The following FOCAD variants were observed in gnomAD, a reference collection of about 807,000 sequenced individuals.
The protein encoded by FOCAD is focadhesin, also known as KIAA1797.
In FOCAD, 198 loss-of-function variants were observed where a neutral mutation model predicts 225.6. That is an observed-to-expected ratio of 0.88 (90% CI 0.78 to 0.99). The LOEUF is 0.99. Among genes scored for constraint, FOCAD ranks in the 50% least tolerant of loss-of-function variants. The probability of loss-of-function intolerance (pLI) is 0.00; values close to 1 mark genes in which losing one functional copy is unlikely to be tolerated. For missense variants in FOCAD, 2,713 were observed against 2,123.6 expected (o/e 1.28, Z -5.46); for synonymous variants, 897 against 755.0 (o/e 1.19, Z -3.08).
intron 15 of FOCAD, among the ~76,000 whole-genome samples, chr9:20,823,377 TAAAAC>T (rs1318772467): frequency 2.0e-5 from 3 of 152,082 alleles, no homozygotes; most frequent in African/African-American, 7.2e-5. Flanking sequence ...TTATTTTTGT[TAAAAC>T]AAAAGGGAAA....
chr9:20,816,851 C>G (rs1407388903), intron 11 of FOCAD, among the ~76,000 whole-genome samples: 1 of 152,004 alleles, frequency 6.6e-6, no homozygotes, highest in Non-Finnish European at 1.5e-5. Flanking sequence ...AGTACAACAA[C>G]TATTTACATA....
intron 4 of FOCAD, among the ~76,000 whole-genome samples, chr9:20,738,973 G>A (rs1046020874): frequency 3.3e-5 from 5 of 151,582 alleles, no homozygotes; most frequent in Non-Finnish European, 5.9e-5. Context: ...CATGTATTTT[G>A]TACTTACAGG....
chr9:20,796,061 G>C (rs968659765), intron 11 of FOCAD, among the ~76,000 whole-genome samples: 3 of 151,520 alleles, frequency 2.0e-5, no homozygotes, highest in African/African-American at 7.3e-5. Context: ...GAGAACATGC[G>C]GTGTTTGGTT....
At chr9:20,979,170 T>C (rs1840467731) in intron 37 of FOCAD, among the ~76,000 whole-genome samples, 1 of 152,220 alleles carries the variant, frequency 6.6e-6, no homozygotes, top group Non-Finnish European at 1.5e-5. Flanking sequence ...CCATGATTCT[T>C]TAGAGGTTTA....
intron 21 of FOCAD, among the ~76,000 whole-genome samples, chr9:20,898,320 T>G (rs1436722423): frequency 2.0e-5 from 3 of 151,838 alleles, no homozygotes; most frequent in Non-Finnish European, 4.4e-5. Flanking sequence ...ACATTTCTTC[T>G]GTTTTTTTTT....
chr9:20,740,378 A>G (rs1470226850), intron 5 of FOCAD, 38 bp downstream of exon 5: 3 of 1,147,020 alleles, frequency 2.6e-6, no homozygotes, highest in Non-Finnish European at 3.8e-6. Flanking sequence ...AACAAATATG[A>G]ATTTTTAATG....
At chr9:20,725,988 A>G (rs1005084874) in intron 4 of FOCAD, among the ~76,000 whole-genome samples, 3 of 152,198 alleles carry the variant, frequency 2.0e-5, no homozygotes, top group African/African-American at 7.2e-5. Context: ...AAAAAAAATT[A>G]TTCCCTAGGG....
chr9:20,956,217 G>T (rs550233400), intron 35 of FOCAD, among the ~76,000 whole-genome samples: 1 of 152,272 alleles, frequency 6.6e-6, no homozygotes, highest in Admixed American at 6.5e-5. Flanking sequence ...TATGCCAAGG[G>T]AACAGACTTA....
At chr9:20,763,706 T>A (rs1352105902) in intron 6 of FOCAD, among the ~76,000 whole-genome samples, 1 of 152,110 alleles carries the variant, frequency 6.6e-6, no homozygotes, top group Non-Finnish European at 1.5e-5. Context: ...GAAAGGAGTT[T>A]AGTGTGGTTT....
chr9:20,815,137 G>GTTTTTTTTTTTTTT (rs71334555), intron 11 of FOCAD, among the ~76,000 whole-genome samples: 17 of 69,142 alleles, frequency 2.5e-4, no homozygotes, highest in South Asian at 5.8e-4. Flanking sequence ...TTTTTTTTTT[G>GTTTTTTTTTTTTTT]TTTTTTTTTT....
chr9:20,798,029 C>T (rs1443054843), intron 11 of FOCAD, among the ~76,000 whole-genome samples: 1 of 152,072 alleles, frequency 6.6e-6, no homozygotes, highest in Non-Finnish European at 1.5e-5. Flanking sequence ...CCATGAATAC[C>T]TAATTTATTG....
intron 19 of FOCAD, among the ~76,000 whole-genome samples, chr9:20,878,948 C>G (rs986022092): frequency 1.3e-5 from 2 of 152,150 alleles, no homozygotes; most frequent in African/African-American, 2.4e-5. Context: ...TGTCCCAGCT[C>G]TCATAGAGAG....
intron 15 of FOCAD, among the ~76,000 whole-genome samples, chr9:20,848,177 T>C (rs552523973): frequency 4.7e-4 from 11 of 23,338 alleles, no homozygotes; most frequent in Non-Finnish European, 7.8e-4. Flanking sequence ...AGAAACAGTC[T>C]GTATGCTTAG....
At chr9:20,801,589 A>T (rs916515059) in intron 11 of FOCAD, among the ~76,000 whole-genome samples, 2 of 152,110 alleles carry the variant, frequency 1.3e-5, no homozygotes, top group Non-Finnish European at 2.9e-5. Flanking sequence ...AATAGGGGCC[A>T]TTTTTTATTT....
intron 15 of FOCAD, among the ~76,000 whole-genome samples, chr9:20,849,021 C>T (rs1025155855): frequency 6.6e-6 from 1 of 151,948 alleles, no homozygotes; most frequent in South Asian, 2.1e-4. Flanking sequence ...CTTCTCTGTA[C>T]TCTCAGTTCA....
At chr9:20,759,204 A>G (rs1829341320) in intron 6 of FOCAD, among the ~76,000 whole-genome samples, 2 of 152,218 alleles carry the variant, frequency 1.3e-5, no homozygotes, top group Non-Finnish European at 1.5e-5. Flanking sequence ...AAGGCCATTA[A>G]AAACTACTTT....
rs143522955 is a variant in FOCAD at position 20,755,960 on chromosome 9, T to A, written c.393-2130T>A. On this transcript the variant is annotated intron_variant, in intron 5 of 43. Transcript: ENST00000338382. ...CAGGTGTGAATCACTGCTACTGGCC[T>A]GTTTTGTGGTTTTAATTGAACACGA... 5.4e-3 allele frequency among the ~76,000 whole-genome samples: 819 copies of A among 152,158 alleles called. 2 individuals are homozygous for A. Among genetic ancestry groups the A allele is most frequent in the Non-Finnish European group, 8.8e-3 (600 of 67,992 alleles).
At chr9:20,927,383 T>C (rs982131163) in intron 26 of FOCAD, among the ~76,000 whole-genome samples, 1 of 152,212 alleles carries the variant, frequency 6.6e-6, no homozygotes. Flanking sequence ...TCATCATTCT[T>C]ATTTTTCTTA....
At chr9:20,712,323 A>G (rs1272653267) in intron 1 of FOCAD, among the ~76,000 whole-genome samples, 2 of 152,308 alleles carry the variant, frequency 1.3e-5, no homozygotes, top group Admixed American at 1.3e-4. Flanking sequence ...TAGAAATTAT[A>G]TTGTTCCATG....
Sources: allele counts gnomAD v4.1 joint callset (sites outside exome capture counted in the v4.1 genomes callset), GRCh38; gene constraint gnomAD v4.1.1; transcripts MANE v1.5; gene names NCBI Gene and HGNC (gene_info 2026-07-23, HGNC 2026-07-21).